The following NECTIN1 variants were observed in gnomAD, a reference collection of about 807,000 sequenced individuals.
NECTIN1 encodes the protein nectin cell adhesion molecule 1, also known as nectin-1.
In NECTIN1, 23 loss-of-function variants were observed where a neutral mutation model predicts 48.0. The ratio of observed to expected loss-of-function variants is 0.48; its 90% CI spans 0.34 to 0.68. The LOEUF is 0.68. Ranked by LOEUF, NECTIN1 falls within the 30% of genes least tolerant of loss-of-function variation. NECTIN1 has a pLI of 0.01. For missense variants in NECTIN1, 591 were observed against 709.9 expected (o/e 0.83, Z 1.90); for synonymous variants, 270 against 288.9 (o/e 0.93, Z 0.66).
Position 119,664,195 on chromosome 11 carries a change from C to A in NECTIN1, c.*552G>T. On this transcript the variant is annotated 3_prime_UTR_variant, in exon 6 of 6. Coordinates refer to ENST00000264025, the MANE Select transcript of NECTIN1 (RefSeq NM_002855.5). ...AACTGGGGAGAAGCCGCACCCCTCC[C>A]CCTACCTCTTGGGCGCACCAGCTGT... 1.0e-6 allele frequency: 1 copy of A among 987,078 alleles called. No homozygotes were observed. The highest frequency in any genetic ancestry group is 6.1e-5 in the Admixed American group (1 of 16,402). The allele number at this position is 987,078 out of a possible 1,614,324, so 61.1% of individuals were successfully genotyped here. A position where few individuals can be genotyped will look rare whatever the true frequency, so the allele number is the denominator to read the frequency against.
chr11:119,715,053 G>C (rs1004493031), intron 1 of NECTIN1, among the ~76,000 whole-genome samples: 1 of 152,204 alleles, frequency 6.6e-6, no homozygotes, highest in African/African-American at 2.4e-5. Flanking sequence ...AGGGGGAAGG[G>C]GGAGCTGGGG....
At position 119,684,765 on chromosome 11, in the gene NECTIN1, C is replaced by T. The variant is rs928185709; in HGVS notation, c.80-6000G>A. 9.9e-5 allele frequency among the ~76,000 whole-genome samples: 15 copies of T among 152,178 alleles called. No homozygotes were observed. The highest frequency in any genetic ancestry group is 3.6e-4 in the African/African-American group (15 of 41,444). ...AGAGAGGCCGGTGTGGAGGAGCGTG[C>T]AATCAGGACACCCACTTCCTTTCTG... On this transcript the variant is annotated intron_variant, in intron 1 of 5. Coordinates refer to ENST00000264025, the MANE Select transcript of NECTIN1 (RefSeq NM_002855.5). The surrounding 1 kb of genome is among the most constrained non-coding windows in gnomAD (Gnocchi z 5.2).
intron 5 of NECTIN1, among the ~76,000 whole-genome samples, chr11:119,651,820 ACCTGCTACCTGGC>A (rs1303405709): frequency 1.3e-5 from 2 of 152,084 alleles, no homozygotes; most frequent in Non-Finnish European, 2.9e-5. Flanking sequence ...TCTGGGGCGG[ACCTGCTACCTGGC>A]CCTGCTGCTT....
At position 119,683,724 on chromosome 11, in the gene NECTIN1, C is replaced by T. The variant is rs753973967; in HGVS notation, c.80-4959G>A. Among the ~76,000 whole-genome samples the T allele has an allele frequency of 5.9e-5, 9 of 151,866 alleles. No homozygotes were observed. Among genetic ancestry groups the T allele is most frequent in the Non-Finnish European group, 1.3e-4 (9 of 67,974 alleles). On this transcript the variant is annotated intron_variant, in intron 1 of 5. Coordinates refer to ENST00000264025, the MANE Select transcript of NECTIN1 (RefSeq NM_002855.5). This position sits in a 1 kb window ranked among gnomAD's most constrained non-coding sequence, Gnocchi z 4.0. ...TCAGCAGAGGGGCTCTTGCATCCCA[C>T]AGATATCAAAAGAATCAGTCTTTTT...
At position 119,665,398 on chromosome 11, in the gene NECTIN1, G is replaced by C. The variant is rs1864749037; in HGVS notation, c.1004-101C>G. ...GGGAAAGGAGAGGCCAGGAAGGACA[G>C]GCTGTCTGCACCCCAGGTTTGAGCA... is the stretch of plus-strand genomic sequence containing the variant. On this transcript the variant is annotated intron_variant, in intron 5 of 5. Coordinates refer to ENST00000264025, the MANE Select transcript of NECTIN1 (RefSeq NM_002855.5). This position sits in a 1 kb window ranked among gnomAD's most constrained non-coding sequence, Gnocchi z 5.1. 1 of 1,466,386 alleles carries C rather than the reference G, an allele frequency of 6.8e-7. No homozygotes were observed. Among genetic ancestry groups the C allele is most frequent in the Non-Finnish European group, 9.0e-7 (1 of 1,112,732 alleles). 90.8% of individuals were successfully genotyped at this position (1,466,386 alleles called of 1,614,324 possible). A position where few individuals can be genotyped will look rare whatever the true frequency, so the allele number is the denominator to read the frequency against.
At position 119,711,060 on chromosome 11, in the gene NECTIN1, C is replaced by CA. The variant is rs71470986; in HGVS notation, c.79+17414dup. Among the ~76,000 whole-genome samples the CA allele has an allele frequency of 0.011, 1,480 of 129,272 alleles. 49 individuals are homozygous for CA. The East Asian group carries it at 0.14, about 13-fold the overall frequency. The allele number at this position is 129,272 out of a possible 152,430, so 84.8% of individuals were successfully genotyped here. ...TGGCATGGGGGTTAAATAGGGTTGC[C>CA]AAAAAAAAAAAAAAACCAAAAACAG... On this transcript the variant is annotated intron_variant, in intron 1 of 5. Coordinates refer to ENST00000264025, the MANE Select transcript of NECTIN1 (RefSeq NM_002855.5).
At chr11:119,648,337 GTGGTGATGC>G (rs1565376652) in intron 5 of NECTIN1, among the ~76,000 whole-genome samples, 3 of 15,476 alleles carry the variant, frequency 1.9e-4, no homozygotes, top group African/African-American at 4.7e-4. Flanking sequence ...GGTGATGGTG[GTGGTGATGC>G]TGGTGGTGGT....
chr11:119,728,633 A>G lies in NECTIN1; in HGVS notation c.-80T>C, dbSNP rs1865960478. The G allele has an allele frequency of 1.8e-5, 13 of 707,002 alleles. No homozygotes were observed. Among genetic ancestry groups the G allele is most frequent in the Admixed American group, 8.5e-5 (2 of 23,656 alleles). The allele number at this position is 707,002 out of a possible 1,614,324, so 43.8% of individuals were successfully genotyped here. On this transcript the variant is annotated 5_prime_UTR_variant, in exon 1 of 6. Coordinates refer to ENST00000264025, the MANE Select transcript of NECTIN1 (RefSeq NM_002855.5). Reference sequence around the variant, plus strand: ...AGAAACCAGCCCGGAAGATGAGGGAAGATCGCTGGCGGTCGGCGGGCGCTC... The same window carrying G: ...AGAAACCAGCCCGGAAGATGAGGGAGGATCGCTGGCGGTCGGCGGGCGCTC...
chr11:119,688,896 T>C (rs1444402631), intron 1 of NECTIN1, among the ~76,000 whole-genome samples: 2 of 150,692 alleles, frequency 1.3e-5, no homozygotes, highest in African/African-American at 2.5e-5. Context: ...TAGAGTGGCA[T>C]GTGTGTCCTC....
Position 119,675,287 on chromosome 11 carries a change from C to T in NECTIN1, c.875G>A (p.Gly292Asp), listed in dbSNP as rs372910894. The part of the protein sequence containing the change: ...WTTLNGSLPK[G>D]VEAQNRTLFF... ...GAGGGTTCTGTTCTGGGCCTCCACA[C>T]CCTTGGGGAGAGAGCCATTTAGCCT... Residue 292 changes from glycine to aspartate, a missense_variant, in exon 5 of 6, where the codon GGT (glycine) becomes GAT (aspartate). By Grantham distance (94) the Gly-to-Asp change is moderately conservative (BLOSUM62 -1). Transcript: ENST00000264025. The T allele has an allele frequency of 2.2e-5, 36 of 1,613,962 alleles. No homozygotes were observed. The highest frequency in any genetic ancestry group is 2.9e-5 in the Non-Finnish European group (34 of 1,180,028).
At chr11:119,660,607 T>C (rs1030102271), downstream of NECTIN1, among the ~76,000 whole-genome samples, 37 of 152,064 alleles carry the variant, frequency 2.4e-4, no homozygotes, top group African/African-American at 8.5e-4. Context: ...GAGTGGGTGA[T>C]AGGGGAACTG....
At chr11:119,669,438 C>T (rs966166044) in intron 5 of NECTIN1, among the ~76,000 whole-genome samples, 17 of 150,388 alleles carry the variant, frequency 1.1e-4, no homozygotes, top group African/African-American at 3.7e-4. Context: ...GCACCTTGAA[C>T]CTGATCTCTT....
At chr11:119,681,399 G>A (rs1865059204) in intron 1 of NECTIN1, among the ~76,000 whole-genome samples, 1 of 152,228 alleles carries the variant, frequency 6.6e-6, no homozygotes, top group Non-Finnish European at 1.5e-5. Context: ...GCCATGCATG[G>A]TGGACCTGCA....
chr11:119,678,476 G>T lies in NECTIN1; in HGVS notation c.369C>A (p.Ile123=), dbSNP rs1050866320. The T allele has an allele frequency of 6.2e-7, 1 of 1,614,130 alleles. No individual in the cohort carries two copies. The highest frequency in any genetic ancestry group is 8.5e-7 in the Non-Finnish European group (1 of 1,180,058). The change falls in exon 2 of 6, where the codon ATC becomes ATA. Residue 123 remains isoleucine (I), a synonymous_variant. Coordinates refer to ENST00000264025, the MANE Select transcript of NECTIN1 (RefSeq NM_002855.5). The surrounding 1 kb of genome is among the most constrained non-coding windows in gnomAD (Gnocchi z 4.4). ...RLELEDEGVY[I]CEFATFPTGN... Reference sequence around the variant, plus strand: ...CCGTAGGGAAGGTAGCAAACTCGCAGATGTAGACACCCTCATCCTCCAGCT... The same window carrying T: ...CCGTAGGGAAGGTAGCAAACTCGCATATGTAGACACCCTCATCCTCCAGCT...
In NECTIN1 at chr11:119,661,734, C is replaced by G. The variant is rs75467939; in HGVS notation, c.*3013G>C. 7 of 985,730 alleles carry G rather than the reference C, an allele frequency of 7.1e-6. No homozygotes were observed. Among genetic ancestry groups the G allele is most frequent in the Non-Finnish European group, 8.4e-6 (7 of 829,932 alleles). 61.1% of individuals were successfully genotyped at this position (985,730 alleles called of 1,614,324 possible). On this transcript the variant is annotated 3_prime_UTR_variant, in exon 6 of 6. Transcript: ENST00000264025. ...GCCCCTATAAGGCTCTCTTGCAGCC[C>G]GGGCACTGGGAAATTCGTTTCTCCT... is the stretch of plus-strand genomic sequence containing the variant.
intron 1 of NECTIN1, among the ~76,000 whole-genome samples, chr11:119,679,985 C>G (rs548285214): frequency 6.6e-6 from 1 of 152,346 alleles, no homozygotes; most frequent in Admixed American, 6.5e-5. Flanking sequence ...GTGAACTCCT[C>G]CAAGGGCAGG....
rs780708679 is a variant in NECTIN1, at chr11:119,663,310, G to T, written c.*1437C>A. The T allele has an allele frequency of 3.5e-5, 34 of 985,402 alleles. No individual in the cohort carries two copies. The highest frequency in any genetic ancestry group is 4.0e-5 in the Non-Finnish European group (33 of 830,008). The allele number at this position is 985,402 out of a possible 1,614,324, so 61.0% of individuals were successfully genotyped here. On this transcript the variant is annotated 3_prime_UTR_variant, in exon 6 of 6. Coordinates refer to ENST00000264025, the MANE Select transcript of NECTIN1 (RefSeq NM_002855.5). ...TTTGAGCTGGGGGACTGAGAGGGCT[G>T]GGAGGGGTCTTCCTCCATTATATAC...
intron 1 of NECTIN1, among the ~76,000 whole-genome samples, chr11:119,680,400 C>A (rs1396820589): frequency 6.6e-6 from 1 of 152,184 alleles, no homozygotes; most frequent in Non-Finnish European, 1.5e-5. Flanking sequence ...CCTGTACTGA[C>A]CCAAGGCAGG....
In NECTIN1 at chr11:119,663,952, G is replaced by C; in HGVS notation, c.*795C>G. The C allele has an allele frequency of 1.0e-6, 1 of 979,104 alleles. No individual in the cohort carries two copies. The allele number at this position is 979,104 out of a possible 1,614,324, so 60.7% of individuals were successfully genotyped here. A position where few individuals can be genotyped will look rare whatever the true frequency, so the allele number is the denominator to read the frequency against. ...AGGCAGAGAGGAGCAGTGTGTGCAT[G>C]TGTGTGTGTGTGCACGTGTCAGCAG... On this transcript the variant is annotated 3_prime_UTR_variant, in exon 6 of 6. Coordinates refer to ENST00000264025, the MANE Select transcript of NECTIN1 (RefSeq NM_002855.5).
Sources: gnomAD v4.1 joint callset for allele counts (sites outside exome capture counted in the v4.1 genomes callset) on GRCh38, gnomAD v4.1.1 for gene constraint, Gnocchi (gnomAD v3.1) non-coding constraint, MANE v1.5 for transcripts, NCBI Gene and HGNC (gene_info 2026-07-23, HGNC 2026-07-21) for gene names.